The following TAFA2 variants were observed in gnomAD, a reference collection of about 807,000 sequenced individuals.
TAFA2 encodes the protein TAFA chemokine like family member 2.
TAFA2 carries 7 observed loss-of-function variants against 18.8 expected under a neutral mutation model. That is an observed-to-expected ratio of 0.37 (90% CI 0.21 to 0.70). The LOEUF (loss-of-function observed/expected upper bound fraction) is 0.70. Ranked by LOEUF, TAFA2 falls within the 30% of genes least tolerant of loss-of-function variation. TAFA2 has a pLI of 0.53. For synonymous variants in TAFA2, 60 were observed against 54.2 expected (o/e 1.11, Z -0.47); for missense variants, 122 against 158.1 (o/e 0.77, Z 1.23).
intron 2 of TAFA2, among the ~76,000 whole-genome samples, chr12:61,762,614 G>A (rs930105577): frequency 2.1e-5 from 3 of 146,146 alleles, no homozygotes; most frequent in African/African-American, 7.5e-5. Flanking sequence ...ACATTCTATA[G>A]AAGTTCTAAT....
At chr12:62,153,209 A>G (rs2062341538) in intron 1 of TAFA2, among the ~76,000 whole-genome samples, 1 of 152,206 alleles carries the variant, frequency 6.6e-6, no homozygotes, top group South Asian at 2.1e-4. Flanking sequence ...TCTGCTACCC[A>G]TGCAGGTGTT....
chr12:62,256,889 G>T (rs1044559451), intron 1 of TAFA2, among the ~76,000 whole-genome samples: 1 of 152,078 alleles, frequency 6.6e-6, no homozygotes, highest in Non-Finnish European at 1.5e-5. Flanking sequence ...TGCTCTGAGA[G>T]CTGGTAAAGA....
chr12:61,933,933 G>A (rs1217380765), intron 1 of TAFA2, among the ~76,000 whole-genome samples: 2 of 152,160 alleles, frequency 1.3e-5, no homozygotes, highest in Non-Finnish European at 2.9e-5. Flanking sequence ...AAACTGGACA[G>A]GTAGATTAAA....
chr12:62,226,488 C>T (rs2062787359), intron 1 of TAFA2, among the ~76,000 whole-genome samples: 1 of 152,180 alleles, frequency 6.6e-6, no homozygotes, highest in Admixed American at 6.5e-5. Context: ...TGAGCCACCG[C>T]ACCCGGCCTT....
intron 1 of TAFA2, among the ~76,000 whole-genome samples, chr12:62,255,819 A>G (rs991422271): frequency 1.3e-5 from 2 of 152,130 alleles, no homozygotes; most frequent in Non-Finnish European, 2.9e-5. Flanking sequence ...ATACCACTGC[A>G]CTCCAGTCTG....
rs545033436 is a variant in TAFA2 at position 61,768,855 on chromosome 12, T to G, written c.107-13831A>C. 2.0e-5 allele frequency among the ~76,000 whole-genome samples: 3 copies of G among 151,546 alleles called. No individual in the cohort carries two copies. In the East Asian group the frequency reaches 5.9e-4, roughly 30 times the overall value. ...TCTGGGGGAGGGGACAAATGGGGAG[T>G]GCACATAGAAGCACAGAAACTGCAG... On this transcript the variant is annotated intron_variant, in intron 2 of 4. Coordinates refer to ENST00000416284, the MANE Select transcript of TAFA2 (RefSeq NM_178539.5).
intron 1 of TAFA2, among the ~76,000 whole-genome samples, chr12:61,964,527 C>A (rs142150349): frequency 6.6e-6 from 1 of 151,708 alleles, no homozygotes; most frequent in African/African-American, 2.4e-5. Context: ...AAATGACCCT[C>A]CCTTCCCCTA....
At chr12:61,787,800 C>T (rs954521767) in intron 2 of TAFA2, among the ~76,000 whole-genome samples, 1 of 151,472 alleles carries the variant, frequency 6.6e-6, no homozygotes, top group Non-Finnish European at 1.5e-5. Context: ...AACATGGGAG[C>T]TACAAAGCCA....
At chr12:61,959,368 T>C (rs1878804617) in intron 1 of TAFA2, among the ~76,000 whole-genome samples, 1 of 152,068 alleles carries the variant, frequency 6.6e-6, no homozygotes, top group African/African-American at 2.4e-5. Flanking sequence ...ATGGTCTTTG[T>C]ATAGGTCTGC....
intron 1 of TAFA2, among the ~76,000 whole-genome samples, chr12:62,234,064 C>G (rs995382139): frequency 6.6e-6 from 1 of 152,198 alleles, no homozygotes; most frequent in Non-Finnish European, 1.5e-5. Context: ...CCTTCATACA[C>G]CTCTGAATCC....
At chr12:61,755,525 T>C (rs887240811) in intron 2 of TAFA2, among the ~76,000 whole-genome samples, 128 of 152,194 alleles carry the variant, frequency 8.4e-4, no homozygotes, top group Non-Finnish European at 3.1e-4. Flanking sequence ...TCAGTATTCT[T>C]CTGCTCAGTT....
At chr12:61,868,842 G>C (rs768207877) in intron 1 of TAFA2, among the ~76,000 whole-genome samples, 6 of 152,130 alleles carry the variant, frequency 3.9e-5, no homozygotes, top group Non-Finnish European at 7.4e-5. Context: ...CGGGGTTTGA[G>C]TCCAAACTTT....
intron 1 of TAFA2, among the ~76,000 whole-genome samples, chr12:62,240,193 C>T (rs552469931): frequency 1.1e-4 from 16 of 151,818 alleles, no homozygotes; most frequent in Non-Finnish European, 2.2e-4. Flanking sequence ...CCGATGTGGG[C>T]GGATCACCTG....
At chr12:61,950,145 C>T (rs1482463181) in intron 1 of TAFA2, among the ~76,000 whole-genome samples, 1 of 152,080 alleles carries the variant, frequency 6.6e-6, no homozygotes, top group Non-Finnish European at 1.5e-5. Flanking sequence ...ATATATATCA[C>T]ATTTTTGTCA....
chr12:61,760,916 T>C (rs1406166586), intron 2 of TAFA2, among the ~76,000 whole-genome samples: 5 of 151,634 alleles, frequency 3.3e-5, no homozygotes, highest in African/African-American at 1.2e-4. Context: ...ATGGACGTGA[T>C]GCATAAACAC....
intron 1 of TAFA2, among the ~76,000 whole-genome samples, chr12:62,153,153 G>A (rs2136921704): frequency 6.6e-6 from 1 of 152,258 alleles, no homozygotes; most frequent in South Asian, 2.1e-4. Context: ...AGTGGCTGGT[G>A]GTGGCTGTGG....
chr12:61,926,562 A>T (rs1042876063), intron 1 of TAFA2, among the ~76,000 whole-genome samples: 2 of 152,220 alleles, frequency 1.3e-5, no homozygotes, highest in African/African-American at 4.8e-5. Flanking sequence ...CAATAAATGG[A>T]ATCCATTACA....
At chr12:62,108,946 G>A (rs1006323186) in intron 1 of TAFA2, among the ~76,000 whole-genome samples, 1 of 152,080 alleles carries the variant, frequency 6.6e-6, no homozygotes, top group Non-Finnish European at 1.5e-5. Context: ...TCATTCTGAT[G>A]ACAGTTTATT....
chr12:61,821,142 C>CACAG (rs1236749125), intron 2 of TAFA2, among the ~76,000 whole-genome samples: 1 of 151,480 alleles, frequency 6.6e-6, no homozygotes, highest in Non-Finnish European at 1.5e-5. Flanking sequence ...CACACACACA[C>CACAG]ACACACACAC....
Sources: gnomAD v4.1 joint callset for allele counts (sites outside exome capture counted in the v4.1 genomes callset) on GRCh38, gnomAD v4.1.1 for gene constraint, MANE v1.5 for transcripts, NCBI Gene and HGNC (gene_info 2026-07-23, HGNC 2026-07-21) for gene names.